Variants in ECT2 observed in about 807,000 individuals in gnomAD.
The protein encoded by ECT2 is epithelial cell transforming 2, also known as protein ECT2.
A neutral mutation model predicts 116.9 loss-of-function variants in ECT2; 61 were observed. The observed-to-expected ratio is 0.52, with a 90% confidence interval of 0.42 to 0.65. The LOEUF (loss-of-function observed/expected upper bound fraction) is 0.65, where lower values mean the gene tolerates loss of function less well. ECT2 is among the 30% of genes least tolerant of loss of function. The pLI, the probability that ECT2 is intolerant of heterozygous loss-of-function variation, is 0.00. For synonymous variants in ECT2, 358 were observed against 346.4 expected (o/e 1.03, Z -0.37); for missense variants, 937 against 1,078.7 (o/e 0.87, Z 1.84).
intron 18 of ECT2, among the ~76,000 whole-genome samples, chr3:172,787,797 C>G (rs1723877427): frequency 6.6e-6 from 1 of 152,146 alleles, no homozygotes; most frequent in African/African-American, 2.4e-5. Context: ...CTCAATTTAT[C>G]TGTTTGGAGT....
At chr3:172,824,946 ATAT>A (rs1207231774), downstream of ECT2, among the ~76,000 whole-genome samples, 6 of 152,210 alleles carry the variant, frequency 3.9e-5, no homozygotes, top group Non-Finnish European at 7.3e-5. Flanking sequence ...ATTTTGGTAG[ATAT>A]TATGGGCATA....
chr3:172,814,817 A>G (rs13088930), intron 22 of ECT2, among the ~76,000 whole-genome samples: 149,675 of 152,290 alleles, frequency 0.98, 73,582 homozygotes, highest in East Asian at 1. Flanking sequence ...TTCAAAATCC[A>G]CTATTCTGGT....
intron 18 of ECT2, among the ~76,000 whole-genome samples, chr3:172,799,122 G>T (rs951503732): frequency 1.3e-5 from 2 of 152,096 alleles, no homozygotes; most frequent in South Asian, 4.1e-4. Context: ...TAGCTCTGTT[G>T]GTTGTTTTTG....
At position 172,777,314 on chromosome 3, in the gene ECT2, TTGTGTTTACACCCAC is replaced by T. The variant is rs1274537117; in HGVS notation, c.1548+3296_1548+3310del. Reference sequence around the variant, plus strand: ...TAGTGTTAAAACTTTTTTTTACCCATTGTGTTTACACCCACTGTCTAGCATTTAGATTACTTTCGG... The same window carrying T: ...TAGTGTTAAAACTTTTTTTTACCCATTGTCTAGCATTTAGATTACTTTCGG... On this transcript the variant is annotated intron_variant, in intron 14 of 24. Coordinates refer to ENST00000392692, the MANE Select transcript of ECT2 (RefSeq NM_001258315.2). 2.0e-5 allele frequency among the ~76,000 whole-genome samples: 3 copies of T among 152,330 alleles called. No individual in the cohort carries two copies. In the East Asian group the frequency reaches 5.8e-4, roughly 29 times the overall value.
Position 172,754,107 on chromosome 3 carries a change from A to C in ECT2, c.-22-402A>C, listed in dbSNP as rs148176516. On this transcript the variant is annotated intron_variant, in intron 1 of 24. Coordinates refer to ENST00000392692, the MANE Select transcript of ECT2 (RefSeq NM_001258315.2). ...GGAGGGAAATGTGGGAGAGGAAAAAATTAGGATAGATCTCAGATTTTTGGC... is the reference window on the plus strand; with the variant it reads ...GGAGGGAAATGTGGGAGAGGAAAAACTTAGGATAGATCTCAGATTTTTGGC... Among the ~76,000 whole-genome samples, 278 of 152,240 alleles carry C rather than the reference A, an allele frequency of 1.8e-3. 1 individual carries two copies. The highest frequency in any genetic ancestry group is 6.5e-3 in the African/African-American group (271 of 41,540).
downstream of ECT2, among the ~76,000 whole-genome samples, chr3:172,823,831 T>C (rs1040985587): frequency 6.6e-6 from 1 of 152,180 alleles, no homozygotes; most frequent in Non-Finnish European, 1.5e-5. Flanking sequence ...AAAATATTTT[T>C]TATTTCTAAT....
downstream of ECT2, among the ~76,000 whole-genome samples, chr3:172,822,176 A>T (rs1375009959): frequency 1.3e-5 from 2 of 151,952 alleles, no homozygotes; most frequent in Admixed American, 1.3e-4. Context: ...TACCAATATG[A>T]CTTACACTGA....
intron 18 of ECT2, among the ~76,000 whole-genome samples, chr3:172,791,664 G>T (rs1159962700): frequency 1.3e-5 from 2 of 152,152 alleles, no homozygotes; most frequent in Non-Finnish European, 2.9e-5. Context: ...TTAAGAACTT[G>T]GTCTGAATTA....
chr3:172,827,943 G>A, the ECT2 span, among the ~76,000 whole-genome samples: 1 of 152,000 alleles, frequency 6.6e-6, no homozygotes, highest in Non-Finnish European at 1.5e-5. Flanking sequence ...CATTTTAAAA[G>A]TCCCATCATG....
At chr3:172,805,363 G>A (rs1323010079) in intron 20 of ECT2, among the ~76,000 whole-genome samples, 1 of 151,810 alleles carries the variant, frequency 6.6e-6, no homozygotes, top group Non-Finnish European at 1.5e-5. Flanking sequence ...TCATTTAATT[G>A]TTTTGCTTAG....
intron 18 of ECT2, 72 bp from the exon 19 acceptor site, chr3:172,802,544 T>TCA: frequency 1.4e-5 from 13 of 935,258 alleles, no homozygotes; most frequent in Non-Finnish European, 1.9e-5. Context: ...CAAACACAAC[T>TCA]TGTGACATGA....
intron 21 of ECT2, 141 bp downstream of exon 21, chr3:172,806,010 C>T (rs1727617850): frequency 3.7e-6 from 3 of 820,932 alleles, no homozygotes; most frequent in Admixed American, 2.9e-5. Context: ...ATTGTTCTTG[C>T]ACCTCTATCC....
the ECT2 span, chr3:172,828,913 T>C: frequency 6.9e-7 from 1 of 1,452,636 alleles, no homozygotes; most frequent in Non-Finnish European, 9.5e-7. Flanking sequence ...CAAACACAAT[T>C]CCAATGCCAG....
rs115775351 is a variant in ECT2 at position 172,773,263 on chromosome 3, T to G, written c.1429-640T>G. On this transcript the variant is annotated intron_variant, in intron 13 of 24. Coordinates refer to ENST00000392692, the MANE Select transcript of ECT2 (RefSeq NM_001258315.2). ...CATATATTTATACTTAAGTATTTTATTTTTTTATTGTGATACTATTTACAT... is the reference window on the plus strand; with the variant it reads ...CATATATTTATACTTAAGTATTTTAGTTTTTTATTGTGATACTATTTACAT... 2.3e-3 allele frequency among the ~76,000 whole-genome samples: 353 copies of G among 152,224 alleles called. 2 individuals carry two copies. Among genetic ancestry groups the G allele is most frequent in the African/African-American group, 8.1e-3 (337 of 41,562 alleles).
chr3:172,771,319 A>G (rs1720594504), intron 13 of ECT2: 1 of 152,218 alleles, frequency 6.6e-6, no homozygotes, highest in African/African-American at 2.4e-5. Flanking sequence ...GGGAAAGGTA[A>G]GTCTGAGACA....
chr3:172,757,939 C>T (rs1717394252), intron 5 of ECT2, among the ~76,000 whole-genome samples: 1 of 151,796 alleles, frequency 6.6e-6, no homozygotes, highest in African/African-American at 2.4e-5. Context: ...TCACTGCAAC[C>T]TCTGCTTTCC....
At position 172,757,662 on chromosome 3, in the gene ECT2, G is replaced by A. The variant is rs948469295; in HGVS notation, c.486+497G>A. On this transcript the variant is annotated intron_variant, in intron 5 of 24. Transcript: ENST00000392692. ...GATCTCCTGACCTCGTGATCCACCC[G>A]CTTCGGACTCTCAAAGTTCTGGGAT... is the stretch of plus-strand genomic sequence containing the variant. Among the ~76,000 whole-genome samples the A allele has an allele frequency of 5.3e-5, 8 of 151,890 alleles. No homozygotes were observed. The East Asian group carries it at 5.8e-4, about 11-fold the overall frequency.
At chr3:172,811,505 T>G (rs1728765075) in intron 22 of ECT2, among the ~76,000 whole-genome samples, 1 of 152,206 alleles carries the variant, frequency 6.6e-6, no homozygotes, top group African/African-American at 2.4e-5. Flanking sequence ...TTCCCTCCCC[T>G]AAGTCAGAAG....
intron 20 of ECT2, among the ~76,000 whole-genome samples, chr3:172,803,700 C>T (rs909179581): frequency 2.6e-5 from 4 of 152,158 alleles, no homozygotes; most frequent in Non-Finnish European, 5.9e-5. Flanking sequence ...TTTTCTGTCA[C>T]TGGAAACTTT....
Sources: gnomAD v4.1 joint callset for allele counts (sites outside exome capture counted in the v4.1 genomes callset) on GRCh38, gnomAD v4.1.1 for gene constraint, MANE v1.5 for transcripts, NCBI Gene and HGNC (gene_info 2026-07-23, HGNC 2026-07-21) for gene names.